Variants in KCNN3 observed in about 807,000 individuals in gnomAD.
The protein encoded by KCNN3 is potassium calcium-activated channel subfamily N member 3.
In KCNN3, 16 loss-of-function variants were observed where a neutral mutation model predicts 62.9. The observed-to-expected ratio is 0.25, with a 90% CI of 0.17 to 0.39. The LOEUF is 0.39. KCNN3 is among the 10% of genes least tolerant of loss of function. The pLI is 1.00. For synonymous variants in KCNN3, 370 were observed against 389.2 expected (o/e 0.95, Z 0.58); for missense variants, 599 against 949.4 (o/e 0.63, Z 4.85).
rs367683144 is a variant in KCNN3, at chr1:154,866,692, C to A, written c.933+2340G>T. 3.1e-3 allele frequency among the ~76,000 whole-genome samples: 476 copies of A among 152,330 alleles called. 3 individuals are homozygous for A. Among genetic ancestry groups the A allele is most frequent in the Middle Eastern group, 0.02 (6 of 294 alleles). The stretch of plus-strand genomic sequence containing the variant: ...GAGCTCTGCTTATCTCAAGACCAGC[C>A]CCAAGGCACACAGGAAGTGGCCGCT... On this transcript the variant is annotated intron_variant, in intron 1 of 7. Coordinates refer to ENST00000271915, the MANE Select transcript of KCNN3 (RefSeq NM_002249.6).
At chr1:154,843,193 G>A (rs1468923508) in intron 1 of KCNN3, among the ~76,000 whole-genome samples, 1 of 152,014 alleles carries the variant, frequency 6.6e-6, no homozygotes, top group Non-Finnish European at 1.5e-5. Context: ...GGCCTCTCCA[G>A]GAGCTAGATA....
chr1:154,796,751 C>T (rs1199217332), intron 2 of KCNN3, among the ~76,000 whole-genome samples: 1 of 152,210 alleles, frequency 6.6e-6, no homozygotes, highest in Admixed American at 6.5e-5. Context: ...CGAACGCTGG[C>T]CAAGCTGTGC....
chr1:154,825,429 G>A (rs1286231534), intron 1 of KCNN3, among the ~76,000 whole-genome samples: 1 of 143,892 alleles, frequency 6.9e-6, no homozygotes, highest in Non-Finnish European at 1.5e-5. Flanking sequence ...GCAGTGGCAC[G>A]ATCTCAGCTC....
At position 154,856,957 on chromosome 1, in the gene KCNN3, C is replaced by T. The variant is rs376245727; in HGVS notation, c.933+12075G>A. ...TGGGGGGAAGGGGAGCAGACGGAGG[C>T]GTGGGACACCAAGTCTCAGGCTTGT... On this transcript the variant is annotated intron_variant, in intron 1 of 7. Transcript: ENST00000271915. 6.6e-5 allele frequency among the ~76,000 whole-genome samples: 10 copies of T among 152,210 alleles called. No homozygotes were observed. The South Asian group carries it at 1.5e-3, about 22-fold the overall frequency.
At chr1:154,835,510 A>T (rs891980116) in intron 1 of KCNN3, among the ~76,000 whole-genome samples, 1 of 152,202 alleles carries the variant, frequency 6.6e-6, no homozygotes, top group Non-Finnish European at 1.5e-5. Context: ...GGATCAAAGC[A>T]ATTGTTAGTA....
intron 3 of KCNN3, among the ~76,000 whole-genome samples, chr1:154,758,791 G>GTTTTGTTTTTGT (rs60541887): frequency 0.29 from 43,637 of 148,244 alleles, 6,888 homozygotes; most frequent in Middle Eastern, 0.42. Flanking sequence ...GGAGAACATC[G>GTTTTGTTTTTGT]TTTTGTTTTT....
At chr1:154,800,029 G>A (rs1438726881) in intron 2 of KCNN3, among the ~76,000 whole-genome samples, 1 of 152,240 alleles carries the variant, frequency 6.6e-6, no homozygotes, top group Non-Finnish European at 1.5e-5. Flanking sequence ...GGCGAAGGGT[G>A]TGACGTATGC....
At chr1:154,786,833 A>G (rs1422150721) in intron 2 of KCNN3, among the ~76,000 whole-genome samples, 1 of 152,248 alleles carries the variant, frequency 6.6e-6, no homozygotes, top group Non-Finnish European at 1.5e-5. Context: ...AAAACCCAAT[A>G]AAGTATTTTT....
At chr1:154,807,222 T>C (rs1195827792) in intron 2 of KCNN3, among the ~76,000 whole-genome samples, 1 of 152,060 alleles carries the variant, frequency 6.6e-6, no homozygotes, top group Non-Finnish European at 1.5e-5. Flanking sequence ...AAGGTGGTTT[T>C]GGTGAAGCTG....
chr1:154,786,705 C>G (rs1293527859), intron 2 of KCNN3, among the ~76,000 whole-genome samples: 1 of 152,216 alleles, frequency 6.6e-6, no homozygotes, highest in Non-Finnish European at 1.5e-5. Flanking sequence ...ATTGTTAACA[C>G]TGGTACTACT....
At chr1:154,802,942 G>A (rs1395421985) in intron 2 of KCNN3, among the ~76,000 whole-genome samples, 1 of 152,156 alleles carries the variant, frequency 6.6e-6, no homozygotes, top group Non-Finnish European at 1.5e-5. Flanking sequence ...TGGTTGGAGG[G>A]GAGAGGCTCT....
intron 2 of KCNN3, among the ~76,000 whole-genome samples, chr1:154,807,877 G>A (rs2101880472): frequency 6.6e-6 from 1 of 152,186 alleles, no homozygotes; most frequent in South Asian, 2.1e-4. Flanking sequence ...TTAAACAAGA[G>A]TGTACCAGGT....
At chr1:154,736,987 C>A in intron 3 of KCNN3, 1 of 700,572 alleles carries the variant, frequency 1.4e-6, no homozygotes, top group Non-Finnish European at 2.6e-6. Flanking sequence ...GGACATGCAC[C>A]CTGCTCTCCA....
chr1:154,843,989 A>G (rs1399596801), intron 1 of KCNN3, among the ~76,000 whole-genome samples: 1 of 152,226 alleles, frequency 6.6e-6, no homozygotes, highest in Non-Finnish European at 1.5e-5. Context: ...GGGGGGCTGC[A>G]CAGCCAGGCC....
rs1652813530 is a variant in KCNN3, at chr1:154,862,738, C to T, written c.933+6294G>A. Among the ~76,000 whole-genome samples the T allele has an allele frequency of 6.6e-6, 1 of 152,144 alleles. No homozygotes were observed. The highest frequency in any genetic ancestry group is 6.5e-5 in the Admixed American group (1 of 15,282). The stretch of plus-strand genomic sequence containing the variant: ...CCCACACTTGCCCTGGCCACCCCTC[C>T]AGCACTGTCTTCTCCAGGACCTGCG... On this transcript the variant is annotated intron_variant, in intron 1 of 7. Transcript: ENST00000271915. The surrounding 1 kb of genome is among the most constrained non-coding windows in gnomAD (Gnocchi z 4.1).
rs902949647 is a variant in KCNN3 at position 154,726,980 on chromosome 1, A to G, written c.1591-954T>C. On this transcript the variant is annotated intron_variant, in intron 4 of 7. Coordinates refer to ENST00000271915, the MANE Select transcript of KCNN3 (RefSeq NM_002249.6). ...GGGAAATAAGCAGGGAATTCCCTGC[A>G]CATTCCAACATTCTCCCAATGCATT... Among the ~76,000 whole-genome samples the G allele has an allele frequency of 2.0e-5, 3 of 152,364 alleles. No homozygotes were observed. In the East Asian group the frequency reaches 5.8e-4, roughly 29 times the overall value.
chr1:154,824,577 T>C (rs1302699729), intron 1 of KCNN3, among the ~76,000 whole-genome samples: 1 of 152,212 alleles, frequency 6.6e-6, no homozygotes, highest in Non-Finnish European at 1.5e-5. Context: ...CAGCTCACAA[T>C]GTTTTCCATC....
intron 2 of KCNN3, among the ~76,000 whole-genome samples, chr1:154,815,905 A>C (rs1436458279): frequency 6.6e-6 from 1 of 152,036 alleles, no homozygotes; most frequent in East Asian, 1.9e-4. Context: ...ACCCCAAAGC[A>C]CCTGGGCCAG....
chr1:154,751,829 A>C (rs1007502370), intron 3 of KCNN3, among the ~76,000 whole-genome samples: 6 of 152,184 alleles, frequency 3.9e-5, no homozygotes, highest in Admixed American at 6.5e-5. Context: ...CTGAAAACTA[A>C]AACCCACCTC....
Sources: gnomAD v4.1 joint callset for allele counts (sites outside exome capture counted in the v4.1 genomes callset) on GRCh38, gnomAD v4.1.1 for gene constraint, Gnocchi (gnomAD v3.1) non-coding constraint, MANE v1.5 for transcripts, NCBI Gene and HGNC (gene_info 2026-07-23, HGNC 2026-07-21) for gene names.